The following TMC5 variants were observed in gnomAD, a reference collection of about 807,000 sequenced individuals.
The protein encoded by TMC5 is transmembrane channel-like protein 5.
TMC5 carries 86 observed loss-of-function variants against 110.5 expected under a neutral mutation model. That is an observed-to-expected ratio of 0.78 (90% CI 0.65 to 0.93). TMC5 has a LOEUF of 0.93. TMC5 is among the 40% of genes least tolerant of loss of function. TMC5 has a pLI of 0.00. For synonymous variants in TMC5, 455 were observed against 439.5 expected (o/e 1.04, Z -0.44); for missense variants, 1,144 against 1,222.8 (o/e 0.94, Z 0.96).
intron 1 of TMC5, among the ~76,000 whole-genome samples, chr16:19,424,377 G>A (rs1967047116): frequency 6.6e-6 from 1 of 152,220 alleles, no homozygotes; most frequent in South Asian, 2.1e-4. Flanking sequence ...TATGCTGGGA[G>A]TGGTGGCTCA....
chr16:19,483,095 A>G (rs1968656170), intron 15 of TMC5, among the ~76,000 whole-genome samples: 1 of 152,022 alleles, frequency 6.6e-6, no homozygotes. Flanking sequence ...TCCTGGCTTC[A>G]AGTGACCCAC....
At chr16:19,451,503 C>A (rs551133030) in intron 5 of TMC5, among the ~76,000 whole-genome samples, 1 of 152,210 alleles carries the variant, frequency 6.6e-6, no homozygotes, top group South Asian at 2.1e-4. Flanking sequence ...CTCTGTCTTG[C>A]CAGCATGAGG....
chr16:19,467,076 G>A (rs1274665907), intron 9 of TMC5, among the ~76,000 whole-genome samples: 1 of 152,112 alleles, frequency 6.6e-6, no homozygotes, highest in South Asian at 2.1e-4. Flanking sequence ...AGCCCATTAG[G>A]TCGAGGCTGC....
chr16:19,443,721 G>C (rs559262203), intron 3 of TMC5, among the ~76,000 whole-genome samples: 1 of 152,198 alleles, frequency 6.6e-6, no homozygotes, highest in African/African-American at 2.4e-5. Context: ...TGGATGGATA[G>C]ATGAATACAT....
At chr16:19,434,189 A>AAT in intron 2 of TMC5, among the ~76,000 whole-genome samples, 1 of 57,518 alleles carries the variant, frequency 1.7e-5, no homozygotes, top group South Asian at 6.2e-4. Context: ...TTAGATATAT[A>AAT]ATATATATAT....
intron 5 of TMC5, chr16:19,456,606 T>C (rs932489815): frequency 3.3e-6 from 5 of 1,508,312 alleles, no homozygotes; most frequent in Admixed American, 2.3e-5. Context: ...GTGATCATCA[T>C]CACTTTTTCC....
At chr16:19,472,273 G>C (rs372562456) in intron 11 of TMC5, 30 bp downstream of exon 11, 11 of 1,610,296 alleles carry the variant, frequency 6.8e-6, no homozygotes, top group Non-Finnish European at 5.9e-6. Context: ...AGGGCAGAGA[G>C]AACCAGGTGA....
chr16:19,474,376 C>A, intron 12 of TMC5, 100 bp downstream of exon 12: 1 of 1,366,072 alleles, frequency 7.3e-7, no homozygotes, highest in Non-Finnish European at 1.0e-6. Flanking sequence ...GTTTTTTCTC[C>A]AGAGAGGAAG....
chr16:19,419,861 C>T (rs1051885058), intron 1 of TMC5, among the ~76,000 whole-genome samples: 1 of 152,092 alleles, frequency 6.6e-6, no homozygotes, highest in African/African-American at 2.4e-5. Flanking sequence ...TTCGGGATGA[C>T]GTGGCAGGAG....
chr16:19,452,696 TAGAC>T lies in TMC5; in HGVS notation c.1048+3068_1048+3071del, dbSNP rs1967777642. On this transcript the variant is annotated intron_variant, in intron 5 of 21. Coordinates refer to ENST00000542583, the MANE Select transcript of TMC5 (RefSeq NM_001261841.2). ...CAAAGGGTGTATGATCTCATACTAA[TAGAC>T]AGGTTGGGGAAACCCAGAAAGCTGT... Among the ~76,000 whole-genome samples, 4 of 152,100 alleles carry T rather than the reference TAGAC, an allele frequency of 2.6e-5. No homozygotes were observed. The South Asian group carries it at 8.3e-4, about 32-fold the overall frequency.
At chr16:19,470,476 C>G (rs945071002) in intron 10 of TMC5, among the ~76,000 whole-genome samples, 2 of 152,094 alleles carry the variant, frequency 1.3e-5, no homozygotes, top group African/African-American at 4.8e-5. Flanking sequence ...CGTGAGCCAG[C>G]CAAGGCAATG....
intron 1 of TMC5, among the ~76,000 whole-genome samples, chr16:19,426,486 C>T (rs182054262): frequency 2.0e-5 from 3 of 152,278 alleles, no homozygotes; most frequent in Admixed American, 1.3e-4. Context: ...GCCTACGGGT[C>T]TCCAGTAAGC....
At chr16:19,478,176 G>A (rs754461556) in intron 13 of TMC5, among the ~76,000 whole-genome samples, 1 of 152,188 alleles carries the variant, frequency 6.6e-6, no homozygotes, top group Non-Finnish European at 1.5e-5. Context: ...CCATGAGAAT[G>A]TGCCTTCACA....
chr16:19,470,973 T>A (rs1357210916), intron 10 of TMC5, among the ~76,000 whole-genome samples: 5 of 151,942 alleles, frequency 3.3e-5, no homozygotes, highest in Admixed American at 1.3e-4. Context: ...GAGGCAGAGG[T>A]TGCAGTGAGC....
chr16:19,442,219 A>G (rs1189902395), intron 3 of TMC5, among the ~76,000 whole-genome samples: 2 of 152,208 alleles, frequency 1.3e-5, no homozygotes, highest in Non-Finnish European at 2.9e-5. Context: ...AATTTTACCA[A>G]ATGCAGTTCT....
chr16:19,467,438 A>G (rs1968218480), intron 9 of TMC5, among the ~76,000 whole-genome samples: 1 of 152,102 alleles, frequency 6.6e-6, no homozygotes. Flanking sequence ...TTGGGACACA[A>G]TTTAATGACC....
At chr16:19,463,632 A>G in intron 7 of TMC5, 144 bp from the exon 8 acceptor site, 4 of 1,127,076 alleles carry the variant, frequency 3.5e-6, no homozygotes, top group South Asian at 3.0e-5. Flanking sequence ...TAGAGTTGAC[A>G]TAACATTTGT....
At chr16:19,422,449 G>A (rs754750730) in intron 1 of TMC5, among the ~76,000 whole-genome samples, 2 of 152,102 alleles carry the variant, frequency 1.3e-5, no homozygotes, top group East Asian at 1.9e-4. Flanking sequence ...TGGATTGCTC[G>A]AGAACCTCCA....
chr16:19,475,328 G>A (rs112390506), intron 12 of TMC5, among the ~76,000 whole-genome samples: 4,821 of 151,950 alleles, frequency 0.032, 264 homozygotes, highest in African/African-American at 0.11. Context: ...AGGCTGAGGC[G>A]GGAGAATTTC....
Sources: allele counts gnomAD v4.1 joint callset (sites outside exome capture counted in the v4.1 genomes callset), GRCh38; gene constraint gnomAD v4.1.1; transcripts MANE v1.5; gene names NCBI Gene and HGNC (gene_info 2026-07-23, HGNC 2026-07-21).